Variants in ZNF536 observed in about 807,000 individuals in gnomAD.
ZNF536 encodes the protein zinc finger protein 536.
In ZNF536, 13 loss-of-function variants were observed where a neutral mutation model predicts 84.5. The observed-to-expected ratio is 0.15, with a 90% CI of 0.10 to 0.24. The LOEUF is 0.24. Ranked by LOEUF, ZNF536 falls within the 10% of genes least tolerant of loss-of-function variation. ZNF536 has a pLI of 1.00. For synonymous variants in ZNF536, 811 were observed against 742.5 expected, an observed-to-expected ratio of 1.09 and a Z score of -1.50; for missense variants, 1,536 against 1,747.5, an observed-to-expected ratio of 0.88 and a Z score of 2.16.
At chr19:30,602,949 T>A (rs2047741374) in intron 1 of ZNF536, among the ~76,000 whole-genome samples, 1 of 152,058 alleles carries the variant, frequency 6.6e-6, no homozygotes, top group Non-Finnish European at 1.5e-5. Context: ...TCGGTACCCA[T>A]CCCCCAGACA....
rs945095739 is a variant in ZNF536 at position 30,404,022 on chromosome 19, T to C, written c.-3+31466T>C. Among the ~76,000 whole-genome samples, 3 of 146,498 alleles carry C rather than the reference T, an allele frequency of 2.0e-5. No homozygotes were observed. The South Asian group carries it at 6.5e-4, about 32-fold the overall frequency. On this transcript the variant is annotated intron_variant, in intron 1 of 4. Coordinates refer to ENST00000355537, the MANE Select transcript of ZNF536 (RefSeq NM_014717.3). The stretch of plus-strand genomic sequence containing the variant: ...TTTTTCTTTCCTTTCCTTTCCTCTT[T>C]TTTTTTTTTTTTTTTTTCTGCTGTT...
intron 1 of ZNF536, among the ~76,000 whole-genome samples, chr19:30,252,938 T>C (rs1199333496): frequency 6.6e-6 from 1 of 152,226 alleles, no homozygotes; most frequent in African/African-American, 2.4e-5. Flanking sequence ...TCCATTTATT[T>C]TGTAGGGCTT....
At chr19:30,337,310 A>G (rs931865945) in intron 2 of ZNF536, among the ~76,000 whole-genome samples, 3 of 152,142 alleles carry the variant, frequency 2.0e-5, no homozygotes, top group Non-Finnish European at 4.4e-5. Context: ...AACTTCTGCT[A>G]AATATGGTCA....
At chr19:30,646,012 C>G (rs917534154) in intron 1 of ZNF536, among the ~76,000 whole-genome samples, 1 of 152,182 alleles carries the variant, frequency 6.6e-6, no homozygotes, top group African/African-American at 2.4e-5. Context: ...TAGTCACCGT[C>G]TTCTCCAGCC....
At chr19:30,398,339 T>C (rs1037962756) in intron 1 of ZNF536, among the ~76,000 whole-genome samples, 5 of 152,278 alleles carry the variant, frequency 3.3e-5, no homozygotes, top group Non-Finnish European at 5.9e-5. Flanking sequence ...GAATGTTGTA[T>C]AAATGGAACC....
intron 1 of ZNF536, among the ~76,000 whole-genome samples, chr19:30,374,705 C>T (rs1433091622): frequency 2.6e-5 from 4 of 151,922 alleles, no homozygotes; most frequent in African/African-American, 9.6e-5. Flanking sequence ...TTTTTCTTTC[C>T]CTCCTGCAAC....
chr19:30,527,877 C>T (rs937051255), intron 2 of ZNF536, among the ~76,000 whole-genome samples: 8 of 152,140 alleles, frequency 5.3e-5, no homozygotes, highest in South Asian at 4.1e-4. Context: ...CCCTGGCATA[C>T]GTGGGCAAGG....
At chr19:30,512,377 C>T (rs550771068) in intron 2 of ZNF536, among the ~76,000 whole-genome samples, 7 of 152,126 alleles carry the variant, frequency 4.6e-5, no homozygotes, top group African/African-American at 1.2e-4. Context: ...ATAATAAATG[C>T]CATTATTAAC....
intron 1 of ZNF536, among the ~76,000 whole-genome samples, chr19:30,441,896 C>T (rs2052066946): frequency 6.6e-6 from 1 of 152,176 alleles, no homozygotes; most frequent in African/African-American, 2.4e-5. Flanking sequence ...CATTGGAGAC[C>T]CTCCATGCCA....
intron 1 of ZNF536, among the ~76,000 whole-genome samples, chr19:30,596,436 C>T (rs1353501547): frequency 6.6e-6 from 1 of 152,182 alleles, no homozygotes; most frequent in Non-Finnish European, 1.5e-5. Context: ...CAGCCTTGAG[C>T]ACAGTGACAA....
intron 1 of ZNF536, among the ~76,000 whole-genome samples, chr19:30,429,815 G>T (rs980097591): frequency 1.3e-5 from 2 of 152,220 alleles, no homozygotes; most frequent in East Asian, 3.9e-4. Context: ...AATGCTGAAA[G>T]TAGCTAGGGA....
At position 30,576,546 on chromosome 19, in the gene ZNF536, T is replaced by C. The variant is rs147336453; in HGVS notation, c.169+27032T>C. Among the ~76,000 whole-genome samples, 112 of 152,304 alleles carry C rather than the reference T, an allele frequency of 7.4e-4. No homozygotes were observed. The East Asian group carries it at 0.018, about 25-fold the overall frequency. ...TTGACAGCTGTCCAGAAGCTGCAGA[T>C]AGGCTGTGCTCTTCTACGCTAGTGG... On this transcript the variant is annotated intron_variant, in intron 1 of 1. Coordinates refer to the ZNF536 transcript ENST00000592773.
intron 2 of ZNF536, among the ~76,000 whole-genome samples, chr19:30,318,512 A>G (rs987834352): frequency 2.0e-5 from 3 of 152,168 alleles, no homozygotes; most frequent in Middle Eastern, 3.2e-3. Context: ...CTAGAGCGAA[A>G]GACTGCAGAG....
chr19:30,367,315 C>G (rs918493136), intron 3 of ZNF536, among the ~76,000 whole-genome samples: 5 of 152,186 alleles, frequency 3.3e-5, no homozygotes, highest in African/African-American at 1.2e-4. Flanking sequence ...TGCCAGGTTA[C>G]TTCCTGAATG....
chr19:30,332,557 G>A (rs868282663), intron 2 of ZNF536, among the ~76,000 whole-genome samples: 2 of 152,236 alleles, frequency 1.3e-5, no homozygotes, highest in Middle Eastern at 6.8e-3. Flanking sequence ...CCCCTCCTCA[G>A]AAAGCCGTTG....
chr19:30,366,485 G>A (rs746192108), intron 3 of ZNF536, among the ~76,000 whole-genome samples: 1 of 142,390 alleles, frequency 7.0e-6, no homozygotes, highest in African/African-American at 2.6e-5. Flanking sequence ...TTTCTCTCTA[G>A]ATCTATCATC....
chr19:30,281,567 G>A (rs2045445477), intron 1 of ZNF536, among the ~76,000 whole-genome samples: 1 of 152,022 alleles, frequency 6.6e-6, no homozygotes, highest in Non-Finnish European at 1.5e-5. Context: ...AGGCCCCAGT[G>A]CACCACAGGT....
chr19:30,443,970 C>T lies in ZNF536; in HGVS notation c.408C>T (p.Gly136=), dbSNP rs1420518136. The T allele has an allele frequency of 6.2e-7, 1 of 1,613,628 alleles. No homozygotes were observed. The highest frequency in any genetic ancestry group is 1.3e-5 in the African/African-American group (1 of 74,954). The part of the protein sequence containing the change: ...KNRKYPCPLC[G]KRFRFNSILS... ...GCAAGTACCCGTGCCCACTCTGCGG[C>T]AAGCGCTTCCGCTTCAACAGCATCC... The change falls in exon 2 of 5, where the codon GGC becomes GGT. Residue 136 remains glycine, a synonymous_variant. Coordinates refer to ENST00000355537, the MANE Select transcript of ZNF536 (RefSeq NM_014717.3).
rs1265558659 is a variant in ZNF536 at position 30,445,438 on chromosome 19, A to G, written c.1876A>G (p.Met626Val). Residue 626 changes from methionine to valine, a missense_variant, in exon 2 of 5, where the codon ATG (methionine) becomes GTG (valine). Physicochemically the swap from Met to Val is conservative, Grantham distance 21 (BLOSUM62 1). Around this residue, in one of 8 missense-constraint regions of ZNF536, gnomAD observed 366 missense variants for 364.4 expected, o/e 1.00. Transcript: ENST00000355537. The surrounding 1 kb of genome is among the most constrained non-coding windows in gnomAD (Gnocchi z 4.5). ...GTATAACCTGCAGGGTCCTGGGAAC[A>G]TGAAGGAGAAGCCCACCGAGTGCCC... ...LEYNLQGPGN[M>V]KEKPTECPDC... is the part of the protein sequence containing the mutation. 3 of 1,614,054 alleles carry G rather than the reference A, an allele frequency of 1.9e-6. No individual in the cohort carries two copies. Among genetic ancestry groups the G allele is most frequent in the Non-Finnish European group, 2.5e-6 (3 of 1,180,038 alleles).
Sources: allele counts gnomAD v4.1 joint callset (sites outside exome capture counted in the v4.1 genomes callset), GRCh38; gene constraint gnomAD v4.1.1; regional missense constraint gnomAD v4.1.1; non-coding constraint Gnocchi (gnomAD v3.1); transcripts MANE v1.5; gene names NCBI Gene and HGNC (gene_info 2026-07-23, HGNC 2026-07-21).